SYN3: variants seen among roughly 807,000 people sequenced by gnomAD.
The protein encoded by SYN3 is synapsin III.
In SYN3, 35 loss-of-function variants were observed where a neutral mutation model predicts 65.8. The observed-to-expected ratio is 0.53, with a 90% CI of 0.41 to 0.70. The LOEUF is 0.70. Ranked by LOEUF, SYN3 falls within the 30% of genes least tolerant of loss-of-function variation. The pLI is 0.00. For synonymous variants in SYN3, 270 were observed against 292.9 expected, an observed-to-expected ratio of 0.92 and a Z score of 0.80; for missense variants, 680 against 749.0, an observed-to-expected ratio of 0.91 and a Z score of 1.08.
At chr22:32,699,088 C>T (rs560307659) in intron 6 of SYN3, among the ~76,000 whole-genome samples, 9 of 152,336 alleles carry the variant, frequency 5.9e-5, no homozygotes, top group African/African-American at 9.6e-5. Context: ...GAAACTTGGC[C>T]GGGCTTCCCA....
intron 6 of SYN3, among the ~76,000 whole-genome samples, chr22:32,604,874 C>G (rs184176993): frequency 3.2e-4 from 48 of 151,792 alleles, no homozygotes; most frequent in African/African-American, 1.1e-3. Context: ...GGCGTGGTGG[C>G]GGGTGCCTGT....
At chr22:32,868,772 T>C (rs865775116) in intron 5 of SYN3, among the ~76,000 whole-genome samples, 194 bp downstream of exon 5, 21 of 152,102 alleles carry the variant, frequency 1.4e-4, no homozygotes, top group Middle Eastern at 3.4e-3. Context: ...ACCATAATAA[T>C]ATATAAAATA....
intron 6 of SYN3, among the ~76,000 whole-genome samples, chr22:32,719,390 T>C (rs1217733900): frequency 1.3e-5 from 2 of 152,244 alleles, no homozygotes; most frequent in African/African-American, 2.4e-5. Flanking sequence ...AACTGTGATT[T>C]GGTGTTTAAA....
chr22:32,871,071 A>T (rs899761472), intron 4 of SYN3, among the ~76,000 whole-genome samples: 3 of 152,246 alleles, frequency 2.0e-5, no homozygotes, highest in Non-Finnish European at 4.4e-5. Context: ...GTTCCATCAC[A>T]GACAACAGTG....
chr22:32,995,556 C>T (rs937852685), intron 2 of SYN3, among the ~76,000 whole-genome samples: 11 of 152,152 alleles, frequency 7.2e-5, no homozygotes, highest in African/African-American at 2.7e-4. Flanking sequence ...CACAGGTGGA[C>T]GCAGCATGTC....
rs768160831 is a variant in SYN3, at chr22:32,574,134, G to A, written c.774+22540C>T. 4.6e-5 allele frequency among the ~76,000 whole-genome samples: 7 copies of A among 151,766 alleles called. No homozygotes were observed. The South Asian group carries it at 1.3e-3, about 27-fold the overall frequency. ...ATCTCCCTCTCAGGGCCCTTTCCTT[G>A]ATGAGGAAAGAAGTGAAAGTGTCCA... On this transcript the variant is annotated intron_variant, in intron 7 of 13. Coordinates refer to ENST00000358763, the MANE Select transcript of SYN3 (RefSeq NM_003490.4).
chr22:32,545,631 G>A (rs2058326621), intron 7 of SYN3, among the ~76,000 whole-genome samples: 1 of 151,714 alleles, frequency 6.6e-6, no homozygotes, highest in African/African-American at 2.4e-5. Flanking sequence ...TGCAATCTTG[G>A]CTCACTACAA....
chr22:32,539,933 G>A (rs2058227133), intron 8 of SYN3, among the ~76,000 whole-genome samples: 1 of 152,216 alleles, frequency 6.6e-6, no homozygotes, highest in Admixed American at 6.5e-5. Flanking sequence ...GGGCAGGGAG[G>A]AGGTGATTTT....
chr22:33,035,761 T>C lies in SYN3; in HGVS notation c.-163+22531A>G, dbSNP rs921363791. Among the ~76,000 whole-genome samples, 4 of 152,218 alleles carry C rather than the reference T, an allele frequency of 2.6e-5. No homozygotes were observed. In the South Asian group the frequency reaches 8.3e-4, roughly 32 times the overall value. On this transcript the variant is annotated intron_variant, in intron 1 of 13. Coordinates refer to ENST00000358763, the MANE Select transcript of SYN3 (RefSeq NM_003490.4). ...GCCCAGATAATTTTTCATTTTTTAT[T>C]GTGGAGACAGGGGTCTTGATATGTT...
chr22:32,533,975 G>A, intron 9 of SYN3, 80 bp from the exon 10 acceptor site: 1 of 894,612 alleles, frequency 1.1e-6, no homozygotes, highest in Non-Finnish European at 1.8e-6. Context: ...GGATTCACAT[G>A]GAAAAACAGG....
chr22:32,638,639 G>C (rs1246004431), intron 6 of SYN3, among the ~76,000 whole-genome samples: 2 of 152,050 alleles, frequency 1.3e-5, no homozygotes, highest in African/African-American at 4.8e-5. Flanking sequence ...AATGTCTTTT[G>C]ACAATTTTTT....
intron 6 of SYN3, among the ~76,000 whole-genome samples, chr22:32,826,260 C>G (rs968849305): frequency 2.0e-5 from 3 of 152,066 alleles, no homozygotes; most frequent in Non-Finnish European, 2.9e-5. Flanking sequence ...GAAACTCCAT[C>G]TCTACTAAAA....
intron 7 of SYN3, among the ~76,000 whole-genome samples, chr22:32,566,358 G>T (rs1051119323): frequency 6.6e-6 from 1 of 152,168 alleles, no homozygotes; most frequent in Non-Finnish European, 1.5e-5. Context: ...GTGCAAGATG[G>T]AGGGATCTGT....
At chr22:32,533,919 G>C in intron 9 of SYN3, 24 bp from the exon 10 acceptor site, 1 of 1,568,838 alleles carries the variant, frequency 6.4e-7, no homozygotes, top group Non-Finnish European at 8.8e-7. Context: ...TGGACAGACA[G>C]TGAAGTGGCC....
At chr22:32,869,367 T>TCTCTCCCTCTCA (rs61464794) in intron 4 of SYN3, among the ~76,000 whole-genome samples, 1 of 142,476 alleles carries the variant, frequency 7.0e-6, no homozygotes, top group East Asian at 2.2e-4. Flanking sequence ...TCTCTCTCTC[T>TCTCTCCCTCTCA]CACAGGCTCT....
At chr22:33,021,299 A>G (rs867920465) in intron 1 of SYN3, among the ~76,000 whole-genome samples, 6 of 152,266 alleles carry the variant, frequency 3.9e-5, no homozygotes, top group Middle Eastern at 3.4e-3. Context: ...TGCTTTTCCA[A>G]ATGTTTATTT....
At chr22:32,710,111 A>G (rs12106552) in intron 6 of SYN3, among the ~76,000 whole-genome samples, 203 of 135,284 alleles carry the variant, frequency 1.5e-3, no homozygotes, top group African/African-American at 3.0e-3. Context: ...GTGTGTGTGT[A>G]TGTGTGTGTG....
At chr22:32,551,971 C>T (rs1395862180) in intron 7 of SYN3, among the ~76,000 whole-genome samples, 3 of 152,304 alleles carry the variant, frequency 2.0e-5, no homozygotes, top group African/African-American at 7.2e-5. Flanking sequence ...ACACTGAAGG[C>T]CAGGTGCGGT....
intron 2 of SYN3, among the ~76,000 whole-genome samples, chr22:32,983,777 T>C (rs241708): frequency 0.63 from 95,275 of 152,108 alleles, 30,180 homozygotes; most frequent in East Asian, 0.78. Context: ...GTATTTGAAG[T>C]GCCTGGGGCA....
Sources: gnomAD v4.1 joint callset for allele counts (sites outside exome capture counted in the v4.1 genomes callset) on GRCh38, gnomAD v4.1.1 for gene constraint, MANE v1.5 for transcripts, NCBI Gene and HGNC (gene_info 2026-07-23, HGNC 2026-07-21) for gene names.